TENM1: variants seen among roughly 807,000 people sequenced by gnomAD.
TENM1 encodes the protein teneurin transmembrane protein 1.
A neutral mutation model predicts 174.8 loss-of-function variants in TENM1; 35 were observed. That is an observed-to-expected ratio of 0.20 (90% CI 0.15 to 0.27). The LOEUF (loss-of-function observed/expected upper bound fraction) is 0.27. Ranked by LOEUF, TENM1 falls within the 10% of genes least tolerant of loss-of-function variation. TENM1 has a pLI of 1.00. For missense variants in TENM1, 1,633 were observed against 2,130.1 expected, an observed-to-expected ratio of 0.77 and a Z score of 4.59; for synonymous variants, 781 against 798.7, an observed-to-expected ratio of 0.98 and a Z score of 0.37.
chrX:124,515,149 T>C (rs1442074885), intron 18 of TENM1, among the ~76,000 whole-genome samples: 2 of 111,509 alleles, frequency 1.8e-5, no homozygotes, highest in Non-Finnish European at 3.8e-5. Flanking sequence ...TCAACACCCA[T>C]TCATGTTAAA....
At chrX:124,723,933 C>T (rs1457020550) in intron 4 of TENM1, among the ~76,000 whole-genome samples, 5 of 111,511 alleles carry the variant, frequency 4.5e-5, no homozygotes, top group Non-Finnish European at 7.5e-5. Context: ...CTACACGTAA[C>T]TGATGACCCT....
chrX:125,142,888 C>T, the TENM1 span, among the ~76,000 whole-genome samples: 20 of 111,586 alleles, frequency 1.8e-4, no homozygotes, highest in South Asian at 3.8e-4. Flanking sequence ...GATGTAGGCC[C>T]CTAAATCGGC....
the TENM1 span, among the ~76,000 whole-genome samples, chrX:125,020,985 A>G: frequency 1.8e-5 from 2 of 110,097 alleles, no homozygotes; most frequent in African/African-American, 6.6e-5. Flanking sequence ...ATACACACTT[A>G]CCCCATAGGT....
intron 3 of TENM1, among the ~76,000 whole-genome samples, chrX:124,804,835 A>G (rs894099360): frequency 6.2e-5 from 7 of 112,040 alleles, no homozygotes; most frequent in African/African-American, 2.3e-4. Flanking sequence ...TGGTATCCTC[A>G]GTGTTATAAG....
At chrX:124,968,372 A>G (rs2058752069), upstream of TENM1, among the ~76,000 whole-genome samples, 1 of 111,860 alleles carries the variant, frequency 8.9e-6, no homozygotes, top group Non-Finnish European at 1.9e-5. Flanking sequence ...CTCACTTTGA[A>G]TGCTGAATGT....
chrX:124,967,651 T>C (rs1018460686), upstream of TENM1, among the ~76,000 whole-genome samples: 6 of 111,721 alleles, frequency 5.4e-5, no homozygotes, highest in Non-Finnish European at 1.1e-4. Flanking sequence ...AATGGCCACA[T>C]TAGTAGTTCA....
the TENM1 span, among the ~76,000 whole-genome samples, chrX:125,060,195 A>T: frequency 2.4e-4 from 26 of 107,991 alleles, no homozygotes; most frequent in Admixed American, 9.0e-4. Flanking sequence ...ACACACACAC[A>T]CACACACACA....
chrX:124,709,465 T>G (rs1489651592), intron 4 of TENM1, among the ~76,000 whole-genome samples: 1 of 109,925 alleles, frequency 9.1e-6, no homozygotes, highest in Non-Finnish European at 1.9e-5. Context: ...ACTATTACAT[T>G]CCTTTTCTGA....
chrX:125,007,176 A>C, the TENM1 span, among the ~76,000 whole-genome samples: 2 of 111,657 alleles, frequency 1.8e-5, no homozygotes, highest in Non-Finnish European at 3.8e-5. Context: ...TTTAGAGAGG[A>C]ATATAAATGA....
At chrX:124,899,726 A>G (rs2057625633) in intron 1 of TENM1, among the ~76,000 whole-genome samples, 1 of 111,882 alleles carries the variant, frequency 8.9e-6, no homozygotes, top group Non-Finnish European at 1.9e-5. Context: ...TTGAAATTCA[A>G]TTTTTTAAGT....
the TENM1 span, among the ~76,000 whole-genome samples, chrX:125,049,837 T>C: frequency 9.0e-6 from 1 of 110,864 alleles, no homozygotes; most frequent in Non-Finnish European, 1.9e-5. Context: ...TTTAGAGATC[T>C]TTTGCTCATT....
chrX:124,793,014 T>C (rs986970615), intron 3 of TENM1, among the ~76,000 whole-genome samples: 7 of 112,119 alleles, frequency 6.2e-5, no homozygotes, highest in African/African-American at 2.3e-4. Context: ...TCAATTAACA[T>C]ACTTTTTTTC....
At chrX:124,411,524 A>C (rs2060533818) in intron 25 of TENM1, among the ~76,000 whole-genome samples, 1 of 111,583 alleles carries the variant, frequency 9.0e-6, no homozygotes, top group African/African-American at 3.3e-5. Flanking sequence ...ACTCCATGAT[A>C]AACAAAGCAC....
At chrX:125,107,972 T>C in the TENM1 span, among the ~76,000 whole-genome samples, 2 of 112,152 alleles carry the variant, frequency 1.8e-5, no homozygotes, top group African/African-American at 6.5e-5. Flanking sequence ...TTTATAAGTC[T>C]AGTGACTACC....
intron 1 of TENM1, among the ~76,000 whole-genome samples, chrX:124,917,252 A>C (rs956378078): frequency 4.5e-5 from 5 of 110,682 alleles, no homozygotes; most frequent in Non-Finnish European, 9.5e-5. Context: ...CCAGTCCATG[A>C]CTCCAACCTG....
At chrX:125,181,624 T>C in the TENM1 span, among the ~76,000 whole-genome samples, 11 of 111,803 alleles carry the variant, frequency 9.8e-5, no homozygotes, top group South Asian at 3.0e-3. Context: ...TTCTCACTTA[T>C]CAACAAACCT....
chrX:125,034,469 A>T, the TENM1 span, among the ~76,000 whole-genome samples: 1 of 111,538 alleles, frequency 9.0e-6, no homozygotes, highest in Non-Finnish European at 1.9e-5. Context: ...ATCAAAGATC[A>T]CTGGGAGGCT....
intron 4 of TENM1, among the ~76,000 whole-genome samples, chrX:124,734,959 C>T (rs1003156303): frequency 8.9e-6 from 1 of 111,897 alleles, no homozygotes; most frequent in Non-Finnish European, 1.9e-5. Flanking sequence ...GGATTAAATA[C>T]TTAAATATAA....
chrX:125,140,678 C>T, the TENM1 span, among the ~76,000 whole-genome samples: 1 of 112,208 alleles, frequency 8.9e-6, no homozygotes, highest in Non-Finnish European at 1.9e-5. Context: ...GTGTATTACA[C>T]ATTGTATGCA....
Sources: allele counts gnomAD v4.1 joint callset (sites outside exome capture counted in the v4.1 genomes callset), GRCh38; gene constraint gnomAD v4.1.1; transcripts MANE v1.5; gene names NCBI Gene and HGNC (gene_info 2026-07-23, HGNC 2026-07-21).